The following LRIG1 variants were observed in gnomAD, a reference collection of about 807,000 sequenced individuals.
LRIG1 encodes the protein leucine rich repeats and immunoglobulin like domains 1.
A neutral mutation model predicts 99.2 loss-of-function variants in LRIG1; 48 were observed. The observed-to-expected ratio is 0.48, with a 90% CI of 0.38 to 0.62. The LOEUF is 0.62. LRIG1 is among the 20% of genes least tolerant of loss of function. The pLI, the probability that LRIG1 is intolerant of heterozygous loss-of-function variation, is 0.00. For synonymous variants in LRIG1, 772 were observed against 596.1 expected (o/e 1.29, Z -4.30); for missense variants, 1,646 against 1,434.4 (o/e 1.15, Z -2.38).
At chr3:66,463,391 C>A (rs1700401032) in intron 1 of LRIG1, among the ~76,000 whole-genome samples, 1 of 152,178 alleles carries the variant, frequency 6.6e-6, no homozygotes, top group Admixed American at 6.5e-5. Context: ...GCAGGGAAAG[C>A]CTCACATGAG....
chr3:66,473,241 C>T (rs893190410), intron 1 of LRIG1, among the ~76,000 whole-genome samples: 2 of 152,224 alleles, frequency 1.3e-5, no homozygotes, highest in African/African-American at 4.8e-5. Flanking sequence ...CATTCCCCAT[C>T]CACAAAAAAT....
chr3:66,392,776 G>T (rs552206052), intron 12 of LRIG1, among the ~76,000 whole-genome samples: 1 of 152,144 alleles, frequency 6.6e-6, no homozygotes. Flanking sequence ...GGGAGGGAGC[G>T]ATGGAAAGCT....
intron 9 of LRIG1, among the ~76,000 whole-genome samples, chr3:66,404,886 C>T (rs1442371361): frequency 6.6e-6 from 1 of 152,192 alleles, no homozygotes; most frequent in Non-Finnish European, 1.5e-5. Flanking sequence ...CTCCTTTGTA[C>T]AAAGGGCAAC....
intron 2 of LRIG1, among the ~76,000 whole-genome samples, chr3:66,458,662 A>G (rs1700283598): frequency 6.6e-6 from 1 of 152,126 alleles, no homozygotes; most frequent in Non-Finnish European, 1.5e-5. Context: ...AGGTCACGCC[A>G]CTGCACTCCA....
intron 9 of LRIG1, chr3:66,404,266 A>G (rs1156563393): frequency 3.9e-6 from 5 of 1,289,366 alleles, no homozygotes; most frequent in Non-Finnish European, 5.1e-6. Context: ...GAGCTCCACT[A>G]GGGCTTTCCA....
At chr3:66,417,469 A>C in intron 3 of LRIG1, 1 of 583,694 alleles carries the variant, frequency 1.7e-6, no homozygotes, top group Non-Finnish European at 3.0e-6. Context: ...ATCTGGGACA[A>C]GTTTATCAAA....
At chr3:66,480,857 G>A (rs1490765479) in intron 1 of LRIG1, among the ~76,000 whole-genome samples, 2 of 152,226 alleles carry the variant, frequency 1.3e-5, no homozygotes, top group East Asian at 1.9e-4. Context: ...CAGAAGGCAG[G>A]AGGAAATGTC....
intron 1 of LRIG1, among the ~76,000 whole-genome samples, chr3:66,485,489 C>T (rs1013660047): frequency 1.3e-5 from 2 of 152,212 alleles, no homozygotes; most frequent in East Asian, 1.9e-4. Flanking sequence ...GACCATGACT[C>T]GCCCATCTTT....
intron 3 of LRIG1, among the ~76,000 whole-genome samples, chr3:66,440,024 GA>G (rs371568086): frequency 2.0e-5 from 3 of 151,994 alleles, no homozygotes; most frequent in Admixed American, 6.5e-5. Flanking sequence ...GAAAGAGGGG[GA>G]AAAAAAGGAG....
Position 66,386,183 on chromosome 3 carries a change from G to C in LRIG1, c.1587C>G (p.Ala529=). ...ASSSSSPMTF[A]WKKDNEVLTN... ...TCAGGACTTCATTGTCTTTCTTCCAGGCAAAGGTCATGGGGGAGCTGCTGC... is the reference window on the plus strand; with the variant it reads ...TCAGGACTTCATTGTCTTTCTTCCACGCAAAGGTCATGGGGGAGCTGCTGC... The change falls in exon 13 of 19, where the codon GCC becomes GCG. Residue 529 remains alanine (A), a synonymous_variant. Transcript: ENST00000273261. 6.2e-7 allele frequency: 1 copy of C among 1,614,114 alleles called. No homozygotes were observed. Among genetic ancestry groups the C allele is most frequent in the Non-Finnish European group, 8.5e-7 (1 of 1,180,020 alleles).
chr3:66,465,810 G>T (rs1700461404), intron 1 of LRIG1, among the ~76,000 whole-genome samples: 1 of 152,236 alleles, frequency 6.6e-6, no homozygotes, highest in South Asian at 2.1e-4. Flanking sequence ...AACTTTAGAA[G>T]TTTCTCAACA....
intron 3 of LRIG1, among the ~76,000 whole-genome samples, chr3:66,449,370 G>T (rs147427532): frequency 6.6e-6 from 1 of 152,136 alleles, no homozygotes; most frequent in Non-Finnish European, 1.5e-5. Flanking sequence ...CCCAACTTCA[G>T]GCCAAAGAGC....
intron 3 of LRIG1, among the ~76,000 whole-genome samples, chr3:66,449,208 T>C (rs1271134456): frequency 2.0e-5 from 3 of 152,236 alleles, no homozygotes; most frequent in African/African-American, 7.2e-5. Context: ...ATAATCCAGC[T>C]GCCCAGATGT....
intron 3 of LRIG1, among the ~76,000 whole-genome samples, chr3:66,436,420 TAAC>T (rs1310135300): frequency 6.6e-6 from 1 of 152,218 alleles, no homozygotes; most frequent in Non-Finnish European, 1.5e-5. Flanking sequence ...GGAGAGATGA[TAAC>T]AACACCTTTC....
intron 12 of LRIG1, among the ~76,000 whole-genome samples, chr3:66,390,436 G>A (rs1259572183): frequency 6.6e-6 from 1 of 152,180 alleles, no homozygotes; most frequent in Non-Finnish European, 1.5e-5. Flanking sequence ...CACTGAAAGT[G>A]ACAAAACATG....
chr3:66,414,844 G>A (rs1702574968), intron 5 of LRIG1, 76 bp downstream of exon 5: 1 of 1,392,678 alleles, frequency 7.2e-7, no homozygotes, highest in South Asian at 1.6e-5. Context: ...GTGGCGTTTG[G>A]TACGAGGTCC....
At position 66,386,112 on chromosome 3, in the gene LRIG1, C is replaced by T. The variant is rs149988535; in HGVS notation, c.1658G>A (p.Gly553Glu). 6.8e-6 allele frequency: 11 copies of T among 1,614,040 alleles called. No individual in the cohort carries two copies. In the African/African-American group the frequency reaches 1.5e-4, roughly 22 times the overall value. Residue 553 changes from glycine (G) to glutamate (E), a missense_variant, in exon 13 of 19, where the codon GGG (glycine) becomes GAG (glutamate). Gly to Glu is a moderately conservative substitution (Grantham distance 98). Coordinates refer to ENST00000273261, the MANE Select transcript of LRIG1 (RefSeq NM_015541.3). ...GATGGTGGTGTACTCCATCACTTCC[C>T]CGTCCTGCGCGTGGACGTGGACAAA... ...ENFVHVHAQD[G>E]EVMEYTTILH...
chr3:66,444,859 C>T (rs1435447719), intron 3 of LRIG1, among the ~76,000 whole-genome samples: 1 of 122,078 alleles, frequency 8.2e-6, no homozygotes. Flanking sequence ...AGGACCAGAA[C>T]TTTAGATAAT....
chr3:66,397,385 C>T (rs899389326), intron 11 of LRIG1, among the ~76,000 whole-genome samples: 2 of 151,782 alleles, frequency 1.3e-5, no homozygotes, highest in African/African-American at 4.8e-5. Context: ...CAAAAGTTAC[C>T]CCTTCAGGGA....
Sources: gnomAD v4.1 joint callset for allele counts (sites outside exome capture counted in the v4.1 genomes callset) on GRCh38, gnomAD v4.1.1 for gene constraint, MANE v1.5 for transcripts, NCBI Gene and HGNC (gene_info 2026-07-23, HGNC 2026-07-21) for gene names.